Variants in SERPINE2 observed in about 807,000 individuals in gnomAD.
SERPINE2 encodes the protein serpin family E member 2.
A neutral mutation model predicts 36.3 loss-of-function variants in SERPINE2; 14 were observed. The observed-to-expected ratio is 0.39, with a 90% CI of 0.25 to 0.60. The LOEUF (loss-of-function observed/expected upper bound fraction) is 0.60, where lower values mean the gene tolerates loss of function less well. SERPINE2 is among the 20% of genes least tolerant of loss of function. The pLI, the probability that SERPINE2 is intolerant of heterozygous loss-of-function variation, is 0.57. For missense variants in SERPINE2, 418 were observed against 499.6 expected (o/e 0.84, Z 1.56); for synonymous variants, 192 against 191.8 (o/e 1.00, Z -0.01).
At position 223,980,599 on chromosome 2, in the gene SERPINE2, T is replaced by C. The variant is rs1690194178; in HGVS notation, c.986-202A>G. 5.5e-6 allele frequency: 3 copies of C among 542,732 alleles called. No individual in the cohort carries two copies. In the South Asian group the frequency reaches 6.2e-5, roughly 11 times the overall value. 33.6% of individuals were successfully genotyped at this position (542,732 alleles called of 1,614,324 possible). On this transcript the variant is annotated intron_variant, in intron 6 of 8. Transcript: ENST00000409304. ...TCAGTCCCTGCTAAGTGAACTGTGA[T>C]ACTCACTTCTGGAGAAGGGCCCAGG...
At chr2:223,999,233 G>A (rs929866494) in intron 2 of SERPINE2, among the ~76,000 whole-genome samples, 9 of 152,110 alleles carry the variant, frequency 5.9e-5, no homozygotes, top group African/African-American at 1.7e-4. Flanking sequence ...TTATGGCAAC[G>A]TAAGCTTTAT....
chr2:223,996,491 A>G (rs372765348), intron 3 of SERPINE2, among the ~76,000 whole-genome samples: 2 of 152,076 alleles, frequency 1.3e-5, no homozygotes, highest in South Asian at 4.2e-4. Context: ...CCCTCCCTGG[A>G]GCCTTCTTTG....
intron 1 of SERPINE2, among the ~76,000 whole-genome samples, chr2:224,026,363 C>G (rs890089417): frequency 2.6e-5 from 4 of 152,212 alleles, no homozygotes; most frequent in Non-Finnish European, 4.4e-5. Context: ...AAGTTATAAC[C>G]TCAAGAACAA....
At chr2:224,020,418 G>A (rs1362495767) in intron 1 of SERPINE2, among the ~76,000 whole-genome samples, 1 of 152,154 alleles carries the variant, frequency 6.6e-6, no homozygotes, top group Non-Finnish European at 1.5e-5. Flanking sequence ...AGCGTTTCAG[G>A]TCCTTCTGGA....
At chr2:223,984,721 C>G in intron 5 of SERPINE2, 31 bp downstream of exon 5, 1 of 1,600,306 alleles carries the variant, frequency 6.2e-7, no homozygotes, top group Non-Finnish European at 8.5e-7. Flanking sequence ...AATAATGCCA[C>G]TGTTTTCTTT....
intron 3 of SERPINE2, among the ~76,000 whole-genome samples, chr2:223,995,928 ATTTCT>A (rs1251933526): frequency 6.6e-6 from 1 of 152,212 alleles, no homozygotes; most frequent in Non-Finnish European, 1.5e-5. Context: ...ACATATATAC[ATTTCT>A]TTTGTTTTCC....
At chr2:223,977,484 T>C (rs956032294) in intron 8 of SERPINE2, 60 bp downstream of exon 8, 6 of 1,055,170 alleles carry the variant, frequency 5.7e-6, no homozygotes, top group Non-Finnish European at 8.9e-6. Flanking sequence ...TAATGAAGAG[T>C]GCAATATACC....
intron 1 of SERPINE2, among the ~76,000 whole-genome samples, chr2:224,006,199 G>A (rs1691416839): frequency 6.6e-6 from 1 of 152,168 alleles, no homozygotes; most frequent in African/African-American, 2.4e-5. Context: ...GCTCAAATAT[G>A]CAGCTCAAAT....
chr2:223,975,638 G>A lies in SERPINE2; in HGVS notation c.*229C>T. 1 of 395,442 alleles carries A rather than the reference G, an allele frequency of 2.5e-6. No individual in the cohort carries two copies. Among genetic ancestry groups the A allele is most frequent in the Non-Finnish European group, 4.5e-6 (1 of 222,262 alleles). The allele number at this position is 395,442 out of a possible 1,614,324, so 24.5% of individuals were successfully genotyped here. ...AGTTTAAAGAATCTTTTAGACATCT[G>A]GAAGCCTTTCTATTCATTCCTCAGT... On this transcript the variant is annotated 3_prime_UTR_variant, in exon 9 of 9. Coordinates refer to ENST00000409304, the MANE Select transcript of SERPINE2 (RefSeq NM_001136528.2).
At chr2:224,028,178 GAGTCAA>G (rs1414576668) in intron 1 of SERPINE2, among the ~76,000 whole-genome samples, 3 of 152,166 alleles carry the variant, frequency 2.0e-5, no homozygotes, top group Non-Finnish European at 2.9e-5. Flanking sequence ...CAGGTGACAG[GAGTCAA>G]AGACGTGAAT....
chr2:223,988,105 G>C (rs576951013), intron 4 of SERPINE2, among the ~76,000 whole-genome samples: 5 of 152,170 alleles, frequency 3.3e-5, no homozygotes, highest in Non-Finnish European at 7.3e-5. Context: ...GTAAGTAACT[G>C]GGTGAGTATT....
chr2:223,991,609 T>C (rs1690674792), intron 4 of SERPINE2, among the ~76,000 whole-genome samples, 194 bp downstream of exon 4: 1 of 152,258 alleles, frequency 6.6e-6, no homozygotes, highest in East Asian at 1.9e-4. Flanking sequence ...CATATTATGC[T>C]ATGCATGGTA....
intron 3 of SERPINE2, among the ~76,000 whole-genome samples, chr2:223,994,879 C>A (rs1559202236): frequency 6.6e-6 from 1 of 152,192 alleles, no homozygotes; most frequent in South Asian, 2.1e-4. Flanking sequence ...TTACATCTCT[C>A]CATTTTACAG....
intron 2 of SERPINE2, among the ~76,000 whole-genome samples, chr2:223,999,153 A>G (rs1200421497): frequency 6.6e-6 from 1 of 152,224 alleles, no homozygotes; most frequent in Non-Finnish European, 1.5e-5. Flanking sequence ...ATAAAAAATT[A>G]CCATGGGCCA....
chr2:224,036,955 T>C (rs1313107749), intron 1 of SERPINE2, among the ~76,000 whole-genome samples: 7 of 152,154 alleles, frequency 4.6e-5, no homozygotes, highest in Non-Finnish European at 1.0e-4. Flanking sequence ...CATTAGTCAC[T>C]GCCCCAAGGA....
chr2:224,024,193 T>G (rs1692107183), intron 1 of SERPINE2, among the ~76,000 whole-genome samples: 1 of 152,378 alleles, frequency 6.6e-6, no homozygotes, highest in East Asian at 1.9e-4. Context: ...AAGGTTCCTG[T>G]GCTTTTATCT....
intron 4 of SERPINE2, among the ~76,000 whole-genome samples, chr2:223,989,729 G>A (rs1454845468): frequency 6.6e-6 from 1 of 152,214 alleles, no homozygotes; most frequent in Non-Finnish European, 1.5e-5. Context: ...GGTGAGAAGG[G>A]TGAGCTAAGC....
intron 1 of SERPINE2, among the ~76,000 whole-genome samples, chr2:224,014,555 G>A (rs1691734381): frequency 6.6e-6 from 1 of 152,160 alleles, no homozygotes; most frequent in African/African-American, 2.4e-5. Flanking sequence ...GGGCGAGAGT[G>A]GGAATGTGTG....
intron 1 of SERPINE2, among the ~76,000 whole-genome samples, chr2:224,012,518 G>T (rs1298382786): frequency 2.0e-5 from 3 of 151,582 alleles, no homozygotes; most frequent in Admixed American, 6.6e-5. Context: ...CAGGAGAATG[G>T]CGTGAACCCA....
Sources: gnomAD v4.1 joint callset for allele counts (sites outside exome capture counted in the v4.1 genomes callset) on GRCh38, gnomAD v4.1.1 for gene constraint, MANE v1.5 for transcripts, NCBI Gene and HGNC (gene_info 2026-07-23, HGNC 2026-07-21) for gene names.